Variants in SPINK13 observed in about 807,000 individuals in gnomAD.
SPINK13 encodes serine peptidase inhibitor Kazal type 13, also known as serine protease inhibitor Kazal-type 13.
SPINK13 carries 11 observed loss-of-function variants against 11.0 expected under a neutral mutation model. The ratio of observed to expected loss-of-function variants is 1.00; its 90% CI spans 0.63 to 1.65. The LOEUF is 1.65. SPINK13 is among the 40% of genes most tolerant of loss of function. The pLI is 0.00. For missense variants in SPINK13, 113 were observed against 117.7 expected (o/e 0.96, Z 0.19); for synonymous variants, 31 against 35.6 (o/e 0.87, Z 0.46).
intron 3 of SPINK13, among the ~76,000 whole-genome samples, chr5:148,275,190 TG>T (rs1756407191): frequency 6.6e-6 from 1 of 152,190 alleles, no homozygotes; most frequent in African/African-American, 2.4e-5. Flanking sequence ...TGTGTTCATG[TG>T]TTCTCATTGT....
At chr5:148,277,211 G>A (rs745735714) in intron 3 of SPINK13, among the ~76,000 whole-genome samples, 1 of 152,162 alleles carries the variant, frequency 6.6e-6, no homozygotes, top group Non-Finnish European at 1.5e-5. Context: ...ATATGATCAC[G>A]TCATCTGCAA....
At chr5:148,273,578 T>C (rs1756381174) in intron 2 of SPINK13, among the ~76,000 whole-genome samples, 1 of 152,166 alleles carries the variant, frequency 6.6e-6, no homozygotes, top group South Asian at 2.1e-4. Flanking sequence ...GCATTCTATC[T>C]TTTTTGTTCT....
At chr5:148,284,871 C>A (rs1756568191) in intron 4 of SPINK13, among the ~76,000 whole-genome samples, 1 of 152,160 alleles carries the variant, frequency 6.6e-6, no homozygotes, top group Non-Finnish European at 1.5e-5. Flanking sequence ...CTCAGCCTAG[C>A]ACTCTGGTAA....
chr5:148,276,821 T>C (rs1756436398), intron 3 of SPINK13, among the ~76,000 whole-genome samples: 1 of 152,226 alleles, frequency 6.6e-6, no homozygotes. Flanking sequence ...AGAAAGTCAA[T>C]GATAGCTTGA....
At chr5:148,269,063 T>C (rs1756308089) in intron 1 of SPINK13, 175 bp downstream of exon 1, 1 of 152,214 alleles carries the variant, frequency 6.6e-6, no homozygotes, top group South Asian at 2.1e-4. Flanking sequence ...CATTTCTCTT[T>C]ATGCCCCTGC....
At chr5:148,277,872 G>C (rs1199121887) in intron 3 of SPINK13, among the ~76,000 whole-genome samples, 1 of 152,150 alleles carries the variant, frequency 6.6e-6, no homozygotes, top group Non-Finnish European at 1.5e-5. Flanking sequence ...TTGTACCTCT[G>C]GTAGAATTCA....
At chr5:148,271,193 T>G (rs1211932461) in intron 2 of SPINK13, among the ~76,000 whole-genome samples, 3 of 152,236 alleles carry the variant, frequency 2.0e-5, no homozygotes, top group Non-Finnish European at 4.4e-5. Context: ...TGTTTAAAAA[T>G]GTAGCTATTA....
chr5:148,278,439 A>T (rs1456631948), intron 3 of SPINK13, among the ~76,000 whole-genome samples: 2 of 152,144 alleles, frequency 1.3e-5, no homozygotes, highest in Non-Finnish European at 2.9e-5. Flanking sequence ...ACACTGCTTT[A>T]GCTGTGTCCC....
chr5:148,273,428 A>G (rs1242958141), intron 2 of SPINK13, among the ~76,000 whole-genome samples: 1 of 152,014 alleles, frequency 6.6e-6, no homozygotes, highest in Non-Finnish European at 1.5e-5. Context: ...TTTGGAGTTA[A>G]TTCTTATGTA....
Position 148,282,168 on chromosome 5 carries a change from C to T in SPINK13, c.173C>T (p.Ala58Val), listed in dbSNP as rs772335765. 1.4e-5 allele frequency: 22 copies of T among 1,614,088 alleles called. No homozygotes were observed. The highest frequency in any genetic ancestry group is 1.9e-5 in the Non-Finnish European group (22 of 1,180,042). Reference protein sequence around the residue: ...DYNADCPNVTAPVCASNGHTF... With the variant: ...DYNADCPNVTVPVCASNGHTF... Reference sequence around the variant, plus strand: ...AATGCAGACTGCCCCAATGTGACAGCACCTGTTTGTGCCTCAAATGGCCAC... The same window carrying T: ...AATGCAGACTGCCCCAATGTGACAGTACCTGTTTGTGCCTCAAATGGCCAC... Residue 58 changes from alanine to valine, a missense_variant, in exon 4 of 5, where the codon GCA (alanine) becomes GTA (valine). Coordinates refer to ENST00000398450, the MANE Select transcript of SPINK13 (RefSeq NM_001040129.3).
intron 2 of SPINK13, 94 bp from the exon 3 acceptor site, chr5:148,274,253 T>C (rs1756391811): frequency 2.6e-6 from 2 of 774,090 alleles, no homozygotes; most frequent in South Asian, 4.3e-5. Flanking sequence ...CATTATTCAA[T>C]TTTACATTAT....
chr5:148,274,781 A>C (rs758583007), intron 3 of SPINK13, among the ~76,000 whole-genome samples: 1 of 152,178 alleles, frequency 6.6e-6, no homozygotes, highest in African/African-American at 2.4e-5. Flanking sequence ...GGTAAAGCAG[A>C]ATAGAAGGAT....
At chr5:148,275,814 C>T (rs1756418892) in intron 3 of SPINK13, among the ~76,000 whole-genome samples, 2 of 152,050 alleles carry the variant, frequency 1.3e-5, no homozygotes, top group Admixed American at 6.5e-5. Context: ...GCACCCGCCA[C>T]CAAGCCTGGC....
At chr5:148,281,233 G>C (rs912455613) in intron 3 of SPINK13, among the ~76,000 whole-genome samples, 1 of 152,134 alleles carries the variant, frequency 6.6e-6, no homozygotes, top group Admixed American at 6.5e-5. Flanking sequence ...GTGGGGATGG[G>C]ACCTGCTGAG....
At chr5:148,285,967 G>T in intron 4 of SPINK13, 33 bp from the exon 5 acceptor site, 1 of 1,279,340 alleles carries the variant, frequency 7.8e-7, no homozygotes, top group South Asian at 1.4e-5. Context: ...CTTTCCTTAT[G>T]ATACTAATCT....
chr5:148,272,393 G>A (rs1315316059), intron 2 of SPINK13, among the ~76,000 whole-genome samples: 2 of 152,148 alleles, frequency 1.3e-5, no homozygotes, highest in Non-Finnish European at 2.9e-5. Context: ...AAAAGTTTCA[G>A]ATGATGGTGC....
chr5:148,270,757 T>A (rs1428660684), intron 2 of SPINK13: 1 of 152,244 alleles, frequency 6.6e-6, no homozygotes, highest in Non-Finnish European at 1.5e-5. Context: ...TATACTGGAC[T>A]ATTCAGGTGG....
At chr5:148,273,384 T>C (rs1444056701) in intron 2 of SPINK13, among the ~76,000 whole-genome samples, 1 of 152,146 alleles carries the variant, frequency 6.6e-6, no homozygotes, top group Non-Finnish European at 1.5e-5. Context: ...AATTATTGTA[T>C]AGTTTTATTT....
intron 1 of SPINK13, among the ~76,000 whole-genome samples, 195 bp from the exon 2 acceptor site, chr5:148,269,845 A>AAT (rs574314014): frequency 1.7e-3 from 253 of 152,144 alleles, no homozygotes; most frequent in African/African-American, 5.8e-3. Flanking sequence ...GAAAAAAAAA[A>AAT]GTCATTTTTT....
Sources: allele counts gnomAD v4.1 joint callset (sites outside exome capture counted in the v4.1 genomes callset), GRCh38; gene constraint gnomAD v4.1.1; transcripts MANE v1.5; gene names NCBI Gene and HGNC (gene_info 2026-07-23, HGNC 2026-07-21).